ATP2B3: variants seen among roughly 807,000 people sequenced by gnomAD.
ATP2B3 encodes plasma membrane calcium-transporting ATPase 3.
In ATP2B3, 12 loss-of-function variants were observed where a neutral mutation model predicts 70.8. The observed-to-expected ratio is 0.17, with a 90% confidence interval of 0.11 to 0.27. The LOEUF (loss-of-function observed/expected upper bound fraction) is 0.27. Among genes scored for constraint, ATP2B3 ranks in the 10% least tolerant of loss-of-function variants. The pLI is 1.00. For synonymous variants in ATP2B3, 460 were observed against 497.8 expected (o/e 0.92, Z 1.01); for missense variants, 858 against 1,118.5 (o/e 0.77, Z 3.32).
intron 2 of ATP2B3, among the ~76,000 whole-genome samples, chrX:153,524,630 C>A (rs782263992): frequency 8.9e-6 from 1 of 111,807 alleles, no homozygotes; most frequent in East Asian, 2.8e-4. Flanking sequence ...AGTAGCAAAT[C>A]GGTTGTTCCC....
At chrX:153,559,545 G>T in intron 17 of ATP2B3, 184 bp from the exon 18 acceptor site, 1 of 437,553 alleles carries the variant, frequency 2.3e-6, no homozygotes, top group African/African-American at 2.4e-5. Flanking sequence ...AGGCGGGCAC[G>T]TGACAGCCCA....
intron 16 of ATP2B3, among the ~76,000 whole-genome samples, chrX:153,557,882 G>GCGCCC (rs1557014472): frequency 2.3e-5 from 2 of 87,516 alleles, no homozygotes; most frequent in African/African-American, 4.2e-5. Context: ...TATGAGCAAA[G>GCGCCC]CCCCCCCCCC....
intron 20 of ATP2B3, among the ~76,000 whole-genome samples, chrX:153,564,636 G>A (rs2090675269): frequency 8.9e-6 from 1 of 112,842 alleles, no homozygotes; most frequent in Admixed American, 9.3e-5. Context: ...AGACTGGGAG[G>A]CTTAGACAAC....
chrX:153,580,745 C>A lies in ATP2B3; in HGVS notation c.*447C>A. 1 of 116,488 alleles carries A rather than the reference C, an allele frequency of 8.6e-6. No homozygotes were observed. Among genetic ancestry groups the A allele is most frequent in the South Asian group, 3.6e-4 (1 of 2,793 alleles). The allele number at this position is 116,488 out of a possible 1,213,427, so 9.6% of individuals were successfully genotyped here. ...TTGGGTTTATGGGGAGCTTTTGTTG[C>A]ACCCATGCAGGGGCAATCAGATCAG... On this transcript the variant is annotated 3_prime_UTR_variant, in exon 22 of 22. Coordinates refer to ENST00000263519, the MANE Select transcript of ATP2B3 (RefSeq NM_001001344.3).
chrX:153,517,910 G>A (rs1254408126), intron 1 of ATP2B3, 35 bp downstream of exon 1: 1 of 108,036 alleles, frequency 9.3e-6, no homozygotes, highest in East Asian at 2.9e-4. Context: ...GCGCCGCCGG[G>A]GTGGGCGCGG....
chrX:153,522,342 A>G (rs1437859957), intron 2 of ATP2B3, among the ~76,000 whole-genome samples: 2 of 112,303 alleles, frequency 1.8e-5, no homozygotes, highest in African/African-American at 6.5e-5. Context: ...TGCTTTGCTC[A>G]GTGTTCACCA....
At chrX:153,542,597 G>T in intron 6 of ATP2B3, 149 bp downstream of exon 6, 1 of 858,680 alleles carries the variant, frequency 1.2e-6, no homozygotes, top group East Asian at 3.5e-5. Context: ...TGAAGACTCC[G>T]CCCGTCTTGA....
chrX:153,571,002 G>GCACACACA (rs782372965), intron 21 of ATP2B3, among the ~76,000 whole-genome samples: 1 of 26,751 alleles, frequency 3.7e-5, no homozygotes, highest in African/African-American at 7.9e-5. Flanking sequence ...ACGTGCGCGC[G>GCACACACA]TACACACACA....
Position 153,543,187 on chromosome X carries a change from C to T in ATP2B3, c.916+19C>T. 1 of 1,200,633 alleles carries T rather than the reference C, an allele frequency of 8.3e-7. No homozygotes were observed. Among genetic ancestry groups the T allele is most frequent in the Non-Finnish European group, 1.1e-6 (1 of 889,833 alleles). On this transcript the variant is annotated intron_variant, in intron 7 of 21. Transcript: ENST00000263519. The stretch of plus-strand genomic sequence containing the variant: ...AAGAAAGGTAGCGCAGCAGTGCCGC[C>T]AGTCCCTGGTGCTGGTGGCGGCTCC...
intron 21 of ATP2B3, among the ~76,000 whole-genome samples, chrX:153,573,745 G>A (rs1248090194): frequency 1.8e-5 from 2 of 112,655 alleles, no homozygotes; most frequent in Non-Finnish European, 3.8e-5. Flanking sequence ...CGGAGGCAAG[G>A]GCTCAGCTGG....
At chrX:153,523,067 A>G (rs1374841421) in intron 2 of ATP2B3, among the ~76,000 whole-genome samples, 1 of 112,154 alleles carries the variant, frequency 8.9e-6, no homozygotes, top group African/African-American at 3.2e-5. Flanking sequence ...TCATTATACC[A>G]TGGGCTCAAT....
chrX:153,525,125 A>G (rs1556999288), intron 2 of ATP2B3, among the ~76,000 whole-genome samples: 1 of 112,394 alleles, frequency 8.9e-6, no homozygotes, highest in African/African-American at 3.2e-5. Flanking sequence ...AGCCGGCAGT[A>G]CAAGAGAGCG....
At chrX:153,554,806 G>A (rs1035115915) in intron 13 of ATP2B3, among the ~76,000 whole-genome samples, 4 of 112,645 alleles carry the variant, frequency 3.6e-5, no homozygotes, top group African/African-American at 1.3e-4. Context: ...CTGCTGTGCT[G>A]TGGGGCCTTG....
chrX:153,577,950 G>A (rs2090877364), intron 21 of ATP2B3, among the ~76,000 whole-genome samples: 1 of 111,605 alleles, frequency 9.0e-6, no homozygotes, highest in South Asian at 3.8e-4. Context: ...GAGAGGTGAT[G>A]AGGTTGGCAT....
intron 2 of ATP2B3, among the ~76,000 whole-genome samples, chrX:153,531,279 G>C (rs1436032595): frequency 8.8e-6 from 1 of 113,295 alleles, no homozygotes; most frequent in African/African-American, 3.2e-5. Flanking sequence ...CTGCTCCCCA[G>C]CTGGTCTAGG....
At chrX:153,519,040 C>A (rs1459397407) in intron 2 of ATP2B3, among the ~76,000 whole-genome samples, 1 of 111,661 alleles carries the variant, frequency 9.0e-6, no homozygotes, top group Non-Finnish European at 1.9e-5. Flanking sequence ...CCCTCCTTTG[C>A]CCACTAGGAT....
intron 21 of ATP2B3, among the ~76,000 whole-genome samples, chrX:153,579,092 G>A (rs1337523022): frequency 1.8e-5 from 2 of 112,781 alleles, no homozygotes; most frequent in Admixed American, 9.3e-5. Flanking sequence ...TGGCCAGGGT[G>A]GAGAGGTATG....
In ATP2B3 at chrX:153,548,732, T is replaced by C. The variant is rs1557009908; in HGVS notation, c.1216T>C (p.Cys406Arg). Reference protein sequence around the residue: ...VVEGRTWLAECTPVYVQYFVK... With the variant: ...VVEGRTWLAERTPVYVQYFVK... ...GGAAGGCCGGACATGGCTGGCAGAGTGCACGCCGGTCTATGTACAATACTT... is the reference window on the plus strand; with the variant it reads ...GGAAGGCCGGACATGGCTGGCAGAGCGCACGCCGGTCTATGTACAATACTT... Residue 406 changes from cysteine to arginine, a missense_variant, in exon 10 of 22, where the codon TGC (cysteine) becomes CGC (arginine). Cys to Arg is a radical substitution (Grantham distance 180, BLOSUM62 -3). Around this residue, in one of 5 missense-constraint regions of ATP2B3, gnomAD observed 278 missense variants for 366.2 expected, o/e 0.76. Coordinates refer to ENST00000263519, the MANE Select transcript of ATP2B3 (RefSeq NM_001001344.3). The C allele has an allele frequency of 8.3e-7, 1 of 1,210,989 alleles. No individual in the cohort carries two copies.
chrX:153,536,275 G>A lies in ATP2B3; in HGVS notation c.28G>A (p.Glu10Lys), dbSNP rs1557003858. 2 of 1,197,255 alleles carry A rather than the reference G, an allele frequency of 1.7e-6. No individual in the cohort carries two copies. The highest frequency in any genetic ancestry group is 2.3e-5 in the Admixed American group (1 of 44,194). Residue 10 changes from glutamate to lysine, a missense_variant, in exon 3 of 22, where the codon GAG (glutamate) becomes AAG (lysine). Transcript: ENST00000263519. MGDMANSSI[E>K]FHPKPQQQRD... Reference sequence around the variant, plus strand: ...GGGCGACATGGCCAATAGTTCCATCGAGTTCCACCCCAAGCCCCAGCAGCA... The same window carrying A: ...GGGCGACATGGCCAATAGTTCCATCAAGTTCCACCCCAAGCCCCAGCAGCA...
Sources: gnomAD v4.1 joint callset for allele counts (sites outside exome capture counted in the v4.1 genomes callset) on GRCh38, gnomAD v4.1.1 for gene constraint, gnomAD v4.1.1 regional missense constraint, MANE v1.5 for transcripts, NCBI Gene and HGNC (gene_info 2026-07-23, HGNC 2026-07-21) for gene names.